The following HTR7 variants were observed in gnomAD, a reference collection of about 807,000 sequenced individuals.
The protein encoded by HTR7 is 5-hydroxytryptamine receptor 7.
Under a neutral mutation model 34.0 loss-of-function variants are expected in HTR7, and 16 were observed. The observed-to-expected ratio is 0.47, with a 90% CI of 0.32 to 0.71. HTR7 has a LOEUF of 0.71. HTR7 is among the 30% of genes least tolerant of loss of function. The pLI, the probability that HTR7 is intolerant of heterozygous loss-of-function variation, is 0.04. For synonymous variants in HTR7, 265 were observed against 260.2 expected (o/e 1.02, Z -0.18); for missense variants, 504 against 625.5 (o/e 0.81, Z 2.07).
In HTR7 at chr10:90,811,093, C is replaced by T. The variant is rs182930235; in HGVS notation, c.539+46040G>A. Among the ~76,000 whole-genome samples the T allele has an allele frequency of 1.6e-3, 241 of 152,284 alleles. 2 individuals are homozygous for T. Among genetic ancestry groups the T allele is most frequent in the African/African-American group, 5.5e-3 (230 of 41,564 alleles). On this transcript the variant is annotated intron_variant, in intron 1 of 3. Coordinates refer to ENST00000336152, the MANE Select transcript of HTR7 (RefSeq NM_019859.4). ...CGTTCCTTGAAGACAGCTTTAGAGA[C>T]TGCCCCAACCCGAGCGCTCCCTGAC... is the stretch of plus-strand genomic sequence containing the variant.
At chr10:90,776,629 T>G (rs1336379106) in intron 1 of HTR7, among the ~76,000 whole-genome samples, 2 of 152,234 alleles carry the variant, frequency 1.3e-5, no homozygotes, top group Non-Finnish European at 2.9e-5. Context: ...GTTTGTTCTG[T>G]TTTTTAAATT....
At chr10:90,813,073 C>T (rs778041642) in intron 1 of HTR7, among the ~76,000 whole-genome samples, 2 of 152,036 alleles carry the variant, frequency 1.3e-5, no homozygotes, top group Admixed American at 6.6e-5. Flanking sequence ...CACTCCTGCC[C>T]GCCAGAGAAC....
chr10:90,857,292 T>C lies in HTR7; in HGVS notation c.380A>G (p.Asp127Gly). 6.2e-7 allele frequency: 1 copy of C among 1,611,524 alleles called. No homozygotes were observed. The highest frequency in any genetic ancestry group is 8.5e-7 in the Non-Finnish European group (1 of 1,179,170). Residue 127 changes from aspartate (D) to glycine (G), a missense_variant, in exon 1 of 4, where the codon GAC (aspartate) becomes GGC (glycine). By Grantham distance (94) the Asp-to-Gly change is moderately conservative. Transcript: ENST00000336152. The surrounding 1 kb of genome is among the most constrained non-coding windows in gnomAD (Gnocchi z 6.5). The part of the protein sequence containing the change: ...NYLIVSLALA[D>G]LSVAVAVMPF... The stretch of plus-strand genomic sequence containing the variant: ...CATGACCGCCACAGCCACCGAGAGG[T>C]CGGCCAGCGCCAGGGACACGATCAG...
intron 1 of HTR7, among the ~76,000 whole-genome samples, chr10:90,845,377 A>G (rs1564701702): frequency 6.6e-6 from 1 of 152,216 alleles, no homozygotes; most frequent in South Asian, 2.1e-4. Context: ...CAATGGCTAC[A>G]ATGACGTAGT....
Position 90,842,394 on chromosome 10 carries a change from T to C in HTR7, c.539+14739A>G, listed in dbSNP as rs563534913. 2.0e-5 allele frequency among the ~76,000 whole-genome samples: 3 copies of C among 152,328 alleles called. No homozygotes were observed. In the East Asian group the frequency reaches 5.8e-4, roughly 29 times the overall value. On this transcript the variant is annotated intron_variant, in intron 1 of 3. Transcript: ENST00000336152. Reference sequence around the variant, plus strand: ...TTACCCAGTCTTGGGTATTTTGTTATAGCAGCATGAAGGGGTAAGACAGAT... The same window carrying C: ...TTACCCAGTCTTGGGTATTTTGTTACAGCAGCATGAAGGGGTAAGACAGAT...
intron 1 of HTR7, among the ~76,000 whole-genome samples, chr10:90,816,844 T>A (rs2119991830): frequency 6.6e-6 from 1 of 152,328 alleles, no homozygotes; most frequent in South Asian, 2.1e-4. Flanking sequence ...TAGGTCTGGT[T>A]TTCAGGGATA....
chr10:90,804,446 T>A (rs570206316), intron 1 of HTR7, among the ~76,000 whole-genome samples: 2 of 152,312 alleles, frequency 1.3e-5, no homozygotes, highest in African/African-American at 4.8e-5. Context: ...TGTGGGCAAC[T>A]GCTAGAATGT....
At chr10:90,836,675 ATT>A (rs796292567) in intron 1 of HTR7, among the ~76,000 whole-genome samples, 41 of 142,916 alleles carry the variant, frequency 2.9e-4, no homozygotes, top group African/African-American at 4.9e-4. Flanking sequence ...CCACACCAGA[ATT>A]TTTTTTTTTT....
intron 1 of HTR7, among the ~76,000 whole-genome samples, chr10:90,807,188 G>A (rs925466114): frequency 1.3e-5 from 2 of 152,136 alleles, no homozygotes; most frequent in Non-Finnish European, 2.9e-5. Flanking sequence ...AATCACAGAT[G>A]GGCAAATGTG....
intron 1 of HTR7, among the ~76,000 whole-genome samples, chr10:90,835,895 T>C (rs1408560038): frequency 6.6e-6 from 1 of 151,882 alleles, no homozygotes; most frequent in Non-Finnish European, 1.5e-5. Flanking sequence ...GGTAGAGCAC[T>C]CCAAGCAGAG....
chr10:90,761,537 C>T (rs1043340795), intron 1 of HTR7, among the ~76,000 whole-genome samples: 6 of 151,986 alleles, frequency 3.9e-5, no homozygotes, highest in South Asian at 2.1e-4. Context: ...CAGGCCTCCT[C>T]GTCACAAGCG....
Position 90,749,104 on chromosome 10 carries a change from A to T in HTR7, c.1030T>A (p.Phe344Ile), listed in dbSNP as rs762706254. The change falls in exon 2 of 4, where the codon TTC (phenylalanine) becomes ATC (isoleucine). Residue 344 changes from phenylalanine to isoleucine, a missense_variant. Physicochemically the swap from Phe to Ile is conservative, Grantham distance 21. This residue lies in a region of HTR7 where 154 missense variants were observed against 212.1 expected (regional missense o/e 0.73). Transcript: ENST00000336152. This position sits in a 1 kb window ranked among gnomAD's most constrained non-coding sequence, Gnocchi z 4.2. ...AAGGGTCTGGCTGTCGAGAGGAGGAAAAATGGCAGCCAGCACACGGTAAAG... is the reference window on the plus strand; with the variant it reads ...AAGGGTCTGGCTGTCGAGAGGAGGATAAATGGCAGCCAGCACACGGTAAAG... ...GAFTVCWLPF[F>I]LLSTARPFIC... is the part of the protein sequence containing the mutation. The T allele has an allele frequency of 6.2e-7, 1 of 1,614,182 alleles. No individual in the cohort carries two copies. The highest frequency in any genetic ancestry group is 1.1e-5 in the South Asian group (1 of 91,080).
intron 1 of HTR7, among the ~76,000 whole-genome samples, chr10:90,781,510 T>C (rs772561498): frequency 3.3e-5 from 5 of 152,222 alleles, no homozygotes; most frequent in Non-Finnish European, 7.3e-5. Context: ...AGAAGGGTAA[T>C]ACATGGTCAA....
chr10:90,766,535 T>C (rs749865224), intron 1 of HTR7, among the ~76,000 whole-genome samples: 3 of 152,194 alleles, frequency 2.0e-5, no homozygotes, highest in Non-Finnish European at 4.4e-5. Flanking sequence ...TGAAATTACA[T>C]ATTGATAGGT....
intron 1 of HTR7, among the ~76,000 whole-genome samples, chr10:90,817,701 C>T (rs183134486): frequency 1.3e-5 from 2 of 152,290 alleles, no homozygotes; most frequent in Non-Finnish European, 1.5e-5. Flanking sequence ...CTCAATAAAC[C>T]TCAATGATTT....
intron 1 of HTR7, among the ~76,000 whole-genome samples, chr10:90,765,938 C>T (rs1845014842): frequency 6.6e-6 from 1 of 152,144 alleles, no homozygotes; most frequent in African/African-American, 2.4e-5. Context: ...TGTGGCCTAA[C>T]ATATGATCTA....
At position 90,857,447 on chromosome 10, in the gene HTR7, G is replaced by A; in HGVS notation, c.225C>T (p.Asn75=). The A allele has an allele frequency of 6.2e-7, 1 of 1,614,012 alleles. No individual in the cohort carries two copies. The highest frequency in any genetic ancestry group is 8.5e-7 in the Non-Finnish European group (1 of 1,180,030). ...TCACAACTTTCTCGACTCTGCCGTA[G>A]TTGATCTGTTCCCCACAGCCGGAGG... is the stretch of plus-strand genomic sequence containing the variant. ...DNASGCGEQI[N]YGRVEKVVIG... Residue 75 remains asparagine (N), a synonymous_variant, in exon 1 of 4, where the codon AAC becomes AAT. Coordinates refer to ENST00000336152, the MANE Select transcript of HTR7 (RefSeq NM_019859.4). This position sits in a 1 kb window ranked among gnomAD's most constrained non-coding sequence, Gnocchi z 6.5.
chr10:90,820,957 C>G (rs1845969675), intron 1 of HTR7, among the ~76,000 whole-genome samples: 1 of 152,116 alleles, frequency 6.6e-6, no homozygotes, highest in Non-Finnish European at 1.5e-5. Flanking sequence ...CCCAGTTTTA[C>G]AATGTGGAAA....
At chr10:90,742,865 A>G (rs1396659817) in intron 3 of HTR7, among the ~76,000 whole-genome samples, 2 of 152,206 alleles carry the variant, frequency 1.3e-5, no homozygotes, top group Non-Finnish European at 2.9e-5. Context: ...CCACTTGAAA[A>G]GAATAATGAC....
Sources: allele counts gnomAD v4.1 joint callset (sites outside exome capture counted in the v4.1 genomes callset), GRCh38; gene constraint gnomAD v4.1.1; regional missense constraint gnomAD v4.1.1; non-coding constraint Gnocchi (gnomAD v3.1); transcripts MANE v1.5; gene names NCBI Gene and HGNC (gene_info 2026-07-23, HGNC 2026-07-21).